Variants in CLNK observed in about 807,000 individuals in gnomAD.
The protein encoded by CLNK is cytokine-dependent hematopoietic cell linker.
In CLNK, 74 loss-of-function variants were observed where a neutral mutation model predicts 68.6. The observed-to-expected ratio is 1.08, with a 90% confidence interval of 0.89 to 1.31. CLNK has a LOEUF of 1.31. Ranked by LOEUF, CLNK falls within the 50% of genes most tolerant of loss-of-function variation. The pLI, the probability that CLNK is intolerant of heterozygous loss-of-function variation, is 0.00. For missense variants in CLNK, 553 were observed against 515.3 expected (o/e 1.07, Z -0.71); for synonymous variants, 198 against 172.2 (o/e 1.15, Z -1.17).
At chr4:10,717,298 T>C in the CLNK span, among the ~76,000 whole-genome samples, 15 of 151,664 alleles carry the variant, frequency 9.9e-5, no homozygotes, top group African/African-American at 3.6e-4. Context: ...TCAGAGGGGG[T>C]GGAGTAAAAA....
chr4:10,665,719 A>AGCT (rs1724371847), intron 2 of CLNK, among the ~76,000 whole-genome samples: 1 of 151,470 alleles, frequency 6.6e-6, no homozygotes, highest in South Asian at 2.1e-4. Context: ...TGGAAATCTC[A>AGCT]GCTGCAAAGC....
At chr4:10,715,168 T>G in the CLNK span, among the ~76,000 whole-genome samples, 1 of 152,216 alleles carries the variant, frequency 6.6e-6, no homozygotes, top group Admixed American at 6.5e-5. Flanking sequence ...AAATGCAGTC[T>G]GTAGACCAGC....
At chr4:10,525,631 ACACT>A (rs1718283142) in intron 14 of CLNK, among the ~76,000 whole-genome samples, 1 of 152,218 alleles carries the variant, frequency 6.6e-6, no homozygotes, top group South Asian at 2.1e-4. Context: ...AACTTCTTTA[ACACT>A]CAATCAATCA....
chr4:10,495,759 G>C (rs1428289394), intron 18 of CLNK, among the ~76,000 whole-genome samples: 2 of 152,128 alleles, frequency 1.3e-5, no homozygotes, highest in African/African-American at 4.8e-5. Context: ...GGAAGATTTT[G>C]ATGAGAGAAG....
intron 2 of CLNK, among the ~76,000 whole-genome samples, chr4:10,621,889 T>C (rs1722473694): frequency 6.6e-6 from 1 of 152,222 alleles, no homozygotes; most frequent in Non-Finnish European, 1.5e-5. Flanking sequence ...CCACAAATTT[T>C]CACAGTGGAT....
At chr4:10,663,748 C>T (rs1251067394) in intron 2 of CLNK, among the ~76,000 whole-genome samples, 1 of 152,038 alleles carries the variant, frequency 6.6e-6, no homozygotes, top group Non-Finnish European at 1.5e-5. Context: ...TGTTTGTGAA[C>T]CCCTTAACTT....
rs1158317670 is a variant in CLNK, at chr4:10,637,583, C to CTTTTT, written c.11+30271_11+30275dup. 3.4e-4 allele frequency among the ~76,000 whole-genome samples: 24 copies of CTTTTT among 71,436 alleles called. 2 individuals carry two copies. Among genetic ancestry groups the CTTTTT allele is most frequent in the Admixed American group, 1.2e-3 (6 of 4,890 alleles). The allele number at this position is 71,436 out of a possible 152,430, so 46.9% of individuals were successfully genotyped here. On this transcript the variant is annotated intron_variant, in intron 2 of 18. Transcript: ENST00000226951. ...CTCCTGGAACATGCCCACCATTCCT[C>CTTTTT]TTTTTTTTTTTTTTTTTTTTTTTTT...
At position 10,562,101 on chromosome 4, in the gene CLNK, C is replaced by CTTTTTT. The variant is rs11345903; in HGVS notation, c.399+2564_399+2569dup. Among the ~76,000 whole-genome samples the CTTTTTT allele has an allele frequency of 4.1e-4, 53 of 129,240 alleles. 1 individual carries two copies. The highest frequency in any genetic ancestry group is 5.9e-4 in the Non-Finnish European group (37 of 62,904). The allele number at this position is 129,240 out of a possible 152,430, so 84.8% of individuals were successfully genotyped here. A position where few individuals can be genotyped will look rare whatever the true frequency, so the allele number is the denominator to read the frequency against. ...GATTCATTTCTTTTCTTTTTCTTTT[C>CTTTTTT]TTTTTTTTTTTTTTTTTGAGACAGG... On this transcript the variant is annotated intron_variant, in intron 7 of 18. Transcript: ENST00000226951.
At chr4:10,722,687 T>C in the CLNK span, among the ~76,000 whole-genome samples, 1 of 152,164 alleles carries the variant, frequency 6.6e-6, no homozygotes, top group South Asian at 2.1e-4. Context: ...TATTGTACAC[T>C]CCACAGGGTG....
At chr4:10,534,379 C>T (rs946935342) in intron 11 of CLNK, among the ~76,000 whole-genome samples, 13 of 152,118 alleles carry the variant, frequency 8.5e-5, no homozygotes, top group African/African-American at 3.1e-4. Flanking sequence ...ACATTTTTTC[C>T]TATGCATAAG....
chr4:10,574,201 G>A (rs921220508), intron 4 of CLNK, among the ~76,000 whole-genome samples: 1 of 152,104 alleles, frequency 6.6e-6, no homozygotes, highest in Admixed American at 6.6e-5. Context: ...TACAGACTAG[G>A]TGCCCTGTGT....
upstream of CLNK, among the ~76,000 whole-genome samples, chr4:10,689,096 G>A (rs11727252): frequency 0.26 from 39,289 of 151,610 alleles, 5,786 homozygotes; most frequent in Non-Finnish European, 0.33. Flanking sequence ...CCACTTTCTC[G>A]CTGTTTTTGC....
At chr4:10,578,903 A>G (rs1048705534) in intron 4 of CLNK, among the ~76,000 whole-genome samples, 1 of 152,132 alleles carries the variant, frequency 6.6e-6, no homozygotes, top group East Asian at 1.9e-4. Context: ...GAGAATAATA[A>G]GATCAGCACT....
chr4:10,652,218 TA>T (rs1723771462), intron 2 of CLNK, among the ~76,000 whole-genome samples: 2 of 151,456 alleles, frequency 1.3e-5, no homozygotes, highest in South Asian at 4.2e-4. Flanking sequence ...CTGTCTCTAC[TA>T]AAAAATACAA....
At chr4:10,595,169 A>G (rs890002022) in intron 3 of CLNK, among the ~76,000 whole-genome samples, 10 of 152,166 alleles carry the variant, frequency 6.6e-5, no homozygotes, top group Admixed American at 2.6e-4. Context: ...TTCAAATCCA[A>G]CTGGTACCAC....
the CLNK span, among the ~76,000 whole-genome samples, chr4:10,715,766 T>G: frequency 1.3e-5 from 2 of 152,198 alleles, no homozygotes; most frequent in Non-Finnish European, 2.9e-5. Context: ...TATTGGTTGC[T>G]TGGTAGGAGA....
At chr4:10,523,943 T>C in intron 14 of CLNK, 1 of 395,076 alleles carries the variant, frequency 2.5e-6, no homozygotes, top group Non-Finnish European at 5.1e-6. Flanking sequence ...GAGGATCACT[T>C]GAGCCCGGGA....
At chr4:10,535,511 G>A (rs915929150) in intron 11 of CLNK, among the ~76,000 whole-genome samples, 2 of 152,226 alleles carry the variant, frequency 1.3e-5, no homozygotes, top group Non-Finnish European at 2.9e-5. Flanking sequence ...ACCGGGCCTG[G>A]TGTGTAGTTA....
At chr4:10,586,333 T>C (rs1402858288) in intron 3 of CLNK, among the ~76,000 whole-genome samples, 44 of 111,982 alleles carry the variant, frequency 3.9e-4, no homozygotes, top group Non-Finnish European at 8.4e-5. Flanking sequence ...TTTCTTTTTT[T>C]TTCTTTTTTT....
Sources: gnomAD v4.1 joint callset for allele counts (sites outside exome capture counted in the v4.1 genomes callset) on GRCh38, gnomAD v4.1.1 for gene constraint, MANE v1.5 for transcripts, NCBI Gene and HGNC (gene_info 2026-07-23, HGNC 2026-07-21) for gene names.